Variants in PUF60 observed in about 807,000 individuals in gnomAD.
The protein encoded by PUF60 is poly(U)-binding-splicing factor PUF60.
In PUF60, 10 loss-of-function variants were observed where a neutral mutation model predicts 61.8. The observed-to-expected ratio is 0.16, with a 90% CI of 0.10 to 0.27. PUF60 has a LOEUF of 0.27. PUF60 is among the 10% of genes least tolerant of loss of function. The probability of loss-of-function intolerance (pLI) is 1.00; values close to 1 mark genes in which losing one functional copy is unlikely to be tolerated. For synonymous variants in PUF60, 353 were observed against 300.9 expected (o/e 1.17, Z -1.79); for missense variants, 371 against 754.0 (o/e 0.49, Z 5.95).
intron 1 of PUF60, chr8:143,826,949 G>A: frequency 5.1e-6 from 1 of 195,812 alleles, no homozygotes; most frequent in Non-Finnish European, 1.1e-5. Context: ...AACATCCAGT[G>A]TCAGATACCC....
At chr8:143,822,541 C>G (rs1173099868) in intron 2 of PUF60, 1 of 456,666 alleles carries the variant, frequency 2.2e-6, no homozygotes, top group South Asian at 1.5e-5. Context: ...AGGGCTCCAG[C>G]TCACTTCCAC....
chr8:143,820,367 C>T (rs962661217), intron 5 of PUF60: 6 of 493,880 alleles, frequency 1.2e-5, no homozygotes, highest in South Asian at 2.3e-5. Flanking sequence ...GTGCAGGTGG[C>T]GTGGGCGCAG....
In PUF60 at chr8:143,829,299, G is replaced by T; in HGVS notation, c.5C>A (p.Ala2Glu). The T allele has an allele frequency of 7.9e-7, 1 of 1,265,648 alleles. No individual in the cohort carries two copies. The highest frequency in any genetic ancestry group is 1.0e-6 in the Non-Finnish European group (1 of 999,020). 78.4% of individuals were successfully genotyped at this position (1,265,648 alleles called of 1,614,324 possible). Residue 2 changes from alanine to glutamate, a missense_variant, in exon 1 of 12, where the codon GCG becomes GAG. This residue lies in a region of PUF60 where 69 missense variants were observed against 64.7 expected (regional missense o/e 1.07). Transcript: ENST00000526683. Reference sequence around the variant, plus strand: ...ACTTACGAGAGCTATGGTCGCCGTCGCCATCTTGCGTCCGTCGCGGCCTCC... The same window carrying T: ...ACTTACGAGAGCTATGGTCGCCGTCTCCATCTTGCGTCCGTCGCGGCCTCC... M[A>E]TATIALQVNG... is the part of the protein sequence containing the mutation.
rs1816666056 is a variant in PUF60, at chr8:143,818,689, G to A, written c.349-155C>T. 2 of 834,726 alleles carry A rather than the reference G, an allele frequency of 2.4e-6. No individual in the cohort carries two copies. Among genetic ancestry groups the A allele is most frequent in the Non-Finnish European group, 3.6e-6 (2 of 554,380 alleles). 51.7% of individuals were successfully genotyped at this position (834,726 alleles called of 1,614,324 possible). On this transcript the variant is annotated intron_variant, in intron 5 of 11. Coordinates refer to ENST00000526683, the MANE Select transcript of PUF60 (RefSeq NM_078480.3). The surrounding 1 kb of genome is among the most constrained non-coding windows in gnomAD (Gnocchi z 7.9). ...CGGGCTCCATCCCTGCAGTCATAGT[G>A]TGGGGGTCGCAGGACCCCGCCACCC... is the stretch of plus-strand genomic sequence containing the variant.
At chr8:143,823,517 C>T (rs754588984) in intron 2 of PUF60, among the ~76,000 whole-genome samples, 5 of 152,252 alleles carry the variant, frequency 3.3e-5, no homozygotes, top group Admixed American at 1.3e-4. Context: ...GCCGGCTGGG[C>T]GCCAGCCAAG....
In PUF60 at chr8:143,817,778, G is replaced by A. The variant is rs373613651; in HGVS notation, c.822C>T (p.Tyr274=). Residue 274 remains tyrosine, a synonymous_variant, in exon 9 of 12, where the codon TAC becomes TAT. Transcript: ENST00000526683. The surrounding 1 kb of genome is among the most constrained non-coding windows in gnomAD (Gnocchi z 7.4). ...GKHKGYGFIE[Y]EKAQSSQDAV... ...CATCTTGGGACGACTGGGCCTTCTC[G>A]TACTCTGTGGGCAGGAGCAGCAGTG... is the stretch of plus-strand genomic sequence containing the variant. The A allele has an allele frequency of 3.9e-5, 63 of 1,609,998 alleles. No individual in the cohort carries two copies. The highest frequency in any genetic ancestry group is 6.7e-5 in the African/African-American group (5 of 74,984).
rs762656748 is a variant in PUF60 at position 143,818,412 on chromosome 8, G to A, written c.471C>T (p.Ser157=). Residue 157 remains serine (S), a synonymous_variant, in exon 6 of 12, where the codon AGC becomes AGT. Coordinates refer to ENST00000526683, the MANE Select transcript of PUF60 (RefSeq NM_078480.3). The surrounding 1 kb of genome is among the most constrained non-coding windows in gnomAD (Gnocchi z 7.9). ...QAFAPFGPIK[S]IDMSWDSVTM... ...TGACGGAGTCCCAGGACATGTCGATGCTCTTGATGGGGCCAAAGGGGGCAA... is the reference window on the plus strand; with the variant it reads ...TGACGGAGTCCCAGGACATGTCGATACTCTTGATGGGGCCAAAGGGGGCAA... 4.1e-5 allele frequency: 66 copies of A among 1,612,704 alleles called. No individual in the cohort carries two copies. In the South Asian group the frequency reaches 7.0e-4, roughly 17 times the overall value.
At chr8:143,825,427 C>T (rs1817531716) in intron 1 of PUF60, among the ~76,000 whole-genome samples, 1 of 152,206 alleles carries the variant, frequency 6.6e-6, no homozygotes, top group Admixed American at 6.5e-5. Flanking sequence ...GCTCTAGCTG[C>T]CCAACTCAGC....
intron 1 of PUF60, chr8:143,827,282 C>G (rs1375413187): frequency 4.6e-6 from 2 of 433,244 alleles, no homozygotes; most frequent in African/African-American, 4.1e-5. Context: ...AAGAAAGGAA[C>G]TGGAACCCCA....
chr8:143,818,564 T>C lies in PUF60; in HGVS notation c.349-30A>G. The C allele has an allele frequency of 1.3e-6, 2 of 1,545,770 alleles. No homozygotes were observed. Among genetic ancestry groups the C allele is most frequent in the Non-Finnish European group, 1.7e-6 (2 of 1,143,254 alleles). On this transcript the variant is annotated intron_variant, in intron 5 of 11. Transcript: ENST00000526683. This position sits in a 1 kb window ranked among gnomAD's most constrained non-coding sequence, Gnocchi z 7.9. Reference sequence around the variant, plus strand: ...AGCAGGACAGAGGGGAGAGAACCGCTGGCTCGTCAGGGGCGGCAGGAAGCT... The same window carrying C: ...AGCAGGACAGAGGGGAGAGAACCGCCGGCTCGTCAGGGGCGGCAGGAAGCT...
At chr8:143,820,848 TGCC>T (rs1321529984) in intron 4 of PUF60, 132 bp from the exon 5 acceptor site, 1 of 854,554 alleles carries the variant, frequency 1.2e-6, no homozygotes, top group African/African-American at 1.7e-5. Context: ...CTTCCCACAC[TGCC>T]GGCCGCCAGC....
intron 1 of PUF60, 84 bp downstream of exon 1, chr8:143,829,196 G>A: frequency 8.1e-7 from 1 of 1,230,218 alleles, no homozygotes; most frequent in South Asian, 4.0e-5. Context: ...CCGCGTTCTT[G>A]GGAGGCCCTC....
chr8:143,824,300 T>C lies in PUF60; in HGVS notation c.111+13A>G, dbSNP rs745454851. The C allele has an allele frequency of 3.6e-5, 58 of 1,601,532 alleles. No individual in the cohort carries two copies. Among genetic ancestry groups the C allele is most frequent in the Middle Eastern group, 1.7e-4 (1 of 5,942 alleles). ...CGGGCGGGCCTGAGGGAGAGGATGC[T>C]TAAGGTCAGTACCTGTGGAGGTTTC... On this transcript the variant is annotated intron_variant, in intron 2 of 11. Transcript: ENST00000526683.
intron 1 of PUF60, chr8:143,824,806 G>A: frequency 4.5e-6 from 1 of 221,602 alleles, no homozygotes; most frequent in Non-Finnish European, 9.1e-6. Context: ...ACCTTGGCCA[G>A]CCCACAACTC....
chr8:143,817,346 G>A lies in PUF60; in HGVS notation c.1129C>T (p.Pro377Ser), dbSNP rs1334843165. ...TAAGACTCACCTGTGATGACTCCAGGTGCCTGGGCAGCCATGACAGCCTGG... is the reference window on the plus strand; with the variant it reads ...TAAGACTCACCTGTGATGACTCCAGATGCCTGGGCAGCCATGACAGCCTGG... ...LPQAVMAAQA[P>S]GVITGVTPAR... Residue 377 changes from proline (P) to serine (S), a missense_variant, in exon 10 of 12, where the codon CCT (proline) becomes TCT (serine). Pro to Ser is a moderately conservative substitution (Grantham distance 74, BLOSUM62 -1). Transcript: ENST00000526683. The surrounding 1 kb of genome is among the most constrained non-coding windows in gnomAD (Gnocchi z 7.4). 1 of 1,593,834 alleles carries A rather than the reference G, an allele frequency of 6.3e-7. No individual in the cohort carries two copies. The highest frequency in any genetic ancestry group is 2.2e-5 in the East Asian group (1 of 44,752).
chr8:143,818,549 AGG>A lies in PUF60; in HGVS notation c.349-17_349-16del. On this transcript the variant is annotated splice_polypyrimidine_tract_variant and intron_variant, in intron 5 of 11. Coordinates refer to ENST00000526683, the MANE Select transcript of PUF60 (RefSeq NM_078480.3). The surrounding 1 kb of genome is among the most constrained non-coding windows in gnomAD (Gnocchi z 7.9). ...TGAGCCGCCATCTGCAGCAGGACAG[AGG>A]GGAGAGAACCGCTGGCTCGTCAGGG... 1 of 1,570,796 alleles carries A rather than the reference AGG, an allele frequency of 6.4e-7. No homozygotes were observed. Among genetic ancestry groups the A allele is most frequent in the Non-Finnish European group, 8.6e-7 (1 of 1,158,052 alleles).
chr8:143,818,116 G>C lies in PUF60; in HGVS notation c.604-41C>G. The C allele has an allele frequency of 6.2e-7, 1 of 1,604,754 alleles. No homozygotes were observed. Reference sequence around the variant, plus strand: ...TGAGATGGAAAGACCGGTCAACCCAGGCCCGGCCACAAAAGGCTTCCGTGG... The same window carrying C: ...TGAGATGGAAAGACCGGTCAACCCACGCCCGGCCACAAAAGGCTTCCGTGG... On this transcript the variant is annotated intron_variant, in intron 7 of 11. Coordinates refer to ENST00000526683, the MANE Select transcript of PUF60 (RefSeq NM_078480.3). The surrounding 1 kb of genome is among the most constrained non-coding windows in gnomAD (Gnocchi z 7.9).
At chr8:143,828,743 G>A (rs916343228) in intron 1 of PUF60, among the ~76,000 whole-genome samples, 2 of 152,198 alleles carry the variant, frequency 1.3e-5, no homozygotes, top group Non-Finnish European at 2.9e-5. Flanking sequence ...TCCACGTGGA[G>A]ACAAGAGAAT....
At chr8:143,822,140 GT>G (rs1817092849) in intron 2 of PUF60, among the ~76,000 whole-genome samples, 1 of 152,132 alleles carries the variant, frequency 6.6e-6, no homozygotes, top group South Asian at 2.1e-4. Flanking sequence ...AACCCGAGCA[GT>G]TGTGGGGCCC....
Sources: gnomAD v4.1 joint callset for allele counts (sites outside exome capture counted in the v4.1 genomes callset) on GRCh38, gnomAD v4.1.1 for gene constraint, gnomAD v4.1.1 regional missense constraint, Gnocchi (gnomAD v3.1) non-coding constraint, MANE v1.5 for transcripts, NCBI Gene and HGNC (gene_info 2026-07-23, HGNC 2026-07-21) for gene names.